CCDC6: variants seen among roughly 807,000 people sequenced by gnomAD.
The protein encoded by CCDC6 is coiled-coil domain-containing protein 6.
Under a neutral mutation model 56.6 loss-of-function variants are expected in CCDC6, and 20 were observed. The ratio of observed to expected loss-of-function variants is 0.35; its 90% CI spans 0.25 to 0.51. The LOEUF is 0.51. Among genes scored for constraint, CCDC6 ranks in the 20% least tolerant of loss-of-function variants. The probability of loss-of-function intolerance (pLI) is 0.95; values close to 1 mark genes in which losing one functional copy is unlikely to be tolerated. For synonymous variants in CCDC6, 241 were observed against 234.4 expected (o/e 1.03, Z -0.26); for missense variants, 367 against 601.1 (o/e 0.61, Z 4.07).
intron 5 of CCDC6, 104 bp from the exon 6 acceptor site, chr10:59,807,182 T>G (rs748708363): frequency 2.0e-6 from 2 of 1,017,266 alleles, no homozygotes; most frequent in South Asian, 1.6e-5. Context: ...ACAGAGGGAA[T>G]TGTTACAAGA....
intron 3 of CCDC6, among the ~76,000 whole-genome samples, chr10:59,821,540 C>T (rs559386360): frequency 2.0e-5 from 3 of 152,280 alleles, no homozygotes; most frequent in African/African-American, 7.2e-5. Context: ...TGTTCATAGA[C>T]CACAGAGTAT....
chr10:59,818,196 A>G (rs2070722639), intron 3 of CCDC6, among the ~76,000 whole-genome samples: 1 of 151,948 alleles, frequency 6.6e-6, no homozygotes. Flanking sequence ...GGAAATAAGG[A>G]CAGTTTAGGG....
chr10:59,814,997 A>G (rs959980264), intron 3 of CCDC6, among the ~76,000 whole-genome samples: 1 of 152,140 alleles, frequency 6.6e-6, no homozygotes, highest in Non-Finnish European at 1.5e-5. Flanking sequence ...TTGTTTCAGC[A>G]TTTATTCAAG....
intron 3 of CCDC6, among the ~76,000 whole-genome samples, chr10:59,830,130 G>C (rs2132642481): frequency 6.6e-6 from 1 of 152,308 alleles, no homozygotes; most frequent in South Asian, 2.1e-4. Context: ...TGTGATAACT[G>C]CCTTCAAGTG....
At position 59,893,658 on chromosome 10, in the gene CCDC6, A is replaced by ACATACATG. The variant is rs1554888045; in HGVS notation, c.303+12463_303+12464insCATGTATG. Among the ~76,000 whole-genome samples, 162 of 140,724 alleles carry ACATACATG rather than the reference A, an allele frequency of 1.2e-3. 1 individual carries two copies. Among genetic ancestry groups the ACATACATG allele is most frequent in the African/African-American group, 4.1e-3 (157 of 38,244 alleles). 92.3% of individuals were successfully genotyped at this position (140,724 alleles called of 152,430 possible). On this transcript the variant is annotated intron_variant, in intron 1 of 8. Coordinates refer to ENST00000263102, the MANE Select transcript of CCDC6 (RefSeq NM_005436.5). ...TACATACATACATACATACATACATACATACATACAATGAGCACTGTTTGA... is the reference window on the plus strand; with the variant it reads ...TACATACATACATACATACATACATACATACATGCATACATACAATGAGCACTGTTTGA...
intron 1 of CCDC6, among the ~76,000 whole-genome samples, chr10:59,862,534 C>G (rs1282484681): frequency 9.4e-6 from 1 of 106,440 alleles, no homozygotes; most frequent in African/African-American, 4.8e-5. Context: ...CACACACACA[C>G]ACACACACAC....
intron 6 of CCDC6, 147 bp downstream of exon 6, chr10:59,806,775 C>A: frequency 1.9e-6 from 1 of 537,450 alleles, no homozygotes; most frequent in Non-Finnish European, 3.1e-6. Context: ...TTCTTGGCAT[C>A]TACTATAACG....
chr10:59,833,533 A>G (rs1051750661), intron 2 of CCDC6, among the ~76,000 whole-genome samples: 47 of 150,968 alleles, frequency 3.1e-4, no homozygotes, highest in African/African-American at 1.1e-3. Context: ...AACAAACCAA[A>G]CTCCAACCTA....
intron 3 of CCDC6, among the ~76,000 whole-genome samples, chr10:59,819,773 G>A (rs931006156): frequency 5.3e-5 from 8 of 152,030 alleles, no homozygotes; most frequent in Admixed American, 2.0e-4. Flanking sequence ...CATGCAATAC[G>A]TACCCCACTC....
intron 6 of CCDC6, 176 bp from the exon 7 acceptor site, chr10:59,804,696 G>T (rs1328196620): frequency 3.6e-6 from 2 of 557,060 alleles, no homozygotes; most frequent in Admixed American, 2.9e-5. Flanking sequence ...CCGCTCTGCT[G>T]TTTGACAAAC....
chr10:59,832,476 A>G (rs780574879), intron 3 of CCDC6, 49 bp downstream of exon 3: 3 of 1,562,540 alleles, frequency 1.9e-6, no homozygotes, highest in Non-Finnish European at 2.6e-6. Flanking sequence ...TAAAAGAACA[A>G]GCTGAGAACG....
At chr10:59,905,759 G>A (rs2071538931) in intron 1 of CCDC6, among the ~76,000 whole-genome samples, 1 of 152,086 alleles carries the variant, frequency 6.6e-6, no homozygotes, top group Non-Finnish European at 1.5e-5. Flanking sequence ...GATTCTGGAC[G>A]CACCCCTCAA....
intron 7 of CCDC6, among the ~76,000 whole-genome samples, chr10:59,797,126 T>C (rs1007200432): frequency 6.6e-6 from 1 of 152,162 alleles, no homozygotes; most frequent in African/African-American, 2.4e-5. Context: ...TCGAGAATAT[T>C]ATGCTAAGTG....
intron 3 of CCDC6, among the ~76,000 whole-genome samples, chr10:59,821,029 G>C (rs1014774840): frequency 1.3e-5 from 2 of 152,072 alleles, no homozygotes; most frequent in African/African-American, 2.4e-5. Context: ...TGATTTCATA[G>C]ATGTTCAAGT....
rs558300709 is a variant in CCDC6, at chr10:59,789,210, C to T, written c.*3707G>A. The T allele has an allele frequency of 6.9e-5, 16 of 230,688 alleles. No homozygotes were observed. In the Admixed American group the frequency reaches 8.5e-4, roughly 12 times the overall value. 14.3% of individuals were successfully genotyped at this position (230,688 alleles called of 1,614,324 possible). A position where few individuals can be genotyped will look rare whatever the true frequency, so the allele number is the denominator to read the frequency against. ...GAGATGTACAATACAATCTAGATGA[C>T]GGTGCAGACTAAGTCAAGAACTAAA... On this transcript the variant is annotated 3_prime_UTR_variant, in exon 9 of 9. Transcript: ENST00000263102.
At chr10:59,840,103 C>T (rs568542166) in intron 2 of CCDC6, among the ~76,000 whole-genome samples, 2 of 152,298 alleles carry the variant, frequency 1.3e-5, no homozygotes, top group Non-Finnish European at 1.5e-5. Context: ...GGATTACAGG[C>T]ATGAGCCACC....
chr10:59,813,495 C>T (rs2070689342), intron 4 of CCDC6, among the ~76,000 whole-genome samples: 1 of 152,190 alleles, frequency 6.6e-6, no homozygotes, highest in Non-Finnish European at 1.5e-5. Context: ...TAATTTGGCA[C>T]TAATACATGT....
chr10:59,868,416 T>C (rs746192753), intron 1 of CCDC6, among the ~76,000 whole-genome samples: 4 of 152,144 alleles, frequency 2.6e-5, no homozygotes, highest in Non-Finnish European at 4.4e-5. Flanking sequence ...TGCAGATACG[T>C]TGTCCAGCCC....
intron 1 of CCDC6, among the ~76,000 whole-genome samples, chr10:59,876,722 C>A (rs530396299): frequency 1.8e-4 from 28 of 151,784 alleles, no homozygotes; most frequent in Admixed American, 3.9e-4. Flanking sequence ...ATGAGCACAG[C>A]AATGTATTAA....
Sources: allele counts gnomAD v4.1 joint callset (sites outside exome capture counted in the v4.1 genomes callset), GRCh38; gene constraint gnomAD v4.1.1; transcripts MANE v1.5; gene names NCBI Gene and HGNC (gene_info 2026-07-23, HGNC 2026-07-21).